Variants in PTBP2 observed in about 807,000 individuals in gnomAD.
PTBP2 encodes polypyrimidine tract-binding protein 2.
In PTBP2, 13 loss-of-function variants were observed where a neutral mutation model predicts 61.4. The ratio of observed to expected loss-of-function variants is 0.21; its 90% confidence interval spans 0.14 to 0.34. PTBP2 has a LOEUF of 0.34. Among genes scored for constraint, PTBP2 ranks in the 10% least tolerant of loss-of-function variants. The probability of loss-of-function intolerance (pLI) is 1.00; values close to 1 mark genes in which losing one functional copy is unlikely to be tolerated. For missense variants in PTBP2, 405 were observed against 642.6 expected, an observed-to-expected ratio of 0.63 and a Z score of 4.00; for synonymous variants, 215 against 218.5, an observed-to-expected ratio of 0.98 and a Z score of 0.14.
In PTBP2 at chr1:96,759,772, A is replaced by G. The variant is rs1345248071; in HGVS notation, c.115+8272A>G. Among the ~76,000 whole-genome samples, 3 of 152,338 alleles carry G rather than the reference A, an allele frequency of 2.0e-5. No individual in the cohort carries two copies. In the East Asian group the frequency reaches 5.8e-4, roughly 29 times the overall value. ...TTGGAGAATATAATATTTGTGTATC[A>G]ATACATGCATATGACTGTATTAGTC... On this transcript the variant is annotated intron_variant, in intron 3 of 13. Transcript: ENST00000674951.
intron 5 of PTBP2, among the ~76,000 whole-genome samples, chr1:96,771,724 TG>T (rs1296801852): frequency 6.6e-6 from 1 of 152,214 alleles, no homozygotes; most frequent in African/African-American, 2.4e-5. Flanking sequence ...TAGATTTTTT[TG>T]CATTTTTAAC....
At chr1:96,790,257 AAG>A (rs1659644486) in intron 8 of PTBP2, among the ~76,000 whole-genome samples, 2 of 151,676 alleles carry the variant, frequency 1.3e-5, no homozygotes, top group South Asian at 4.2e-4. Context: ...AAGGCTTGAT[AAG>A]ATTTAGAGCC....
chr1:96,762,181 TC>T (rs1318676938), intron 3 of PTBP2, among the ~76,000 whole-genome samples: 2 of 150,348 alleles, frequency 1.3e-5, no homozygotes, highest in South Asian at 4.2e-4. Context: ...TCCCCACCTT[TC>T]CCCCCTTTCT....
chr1:96,762,198 A>G (rs1655977718), intron 3 of PTBP2, among the ~76,000 whole-genome samples: 1 of 149,670 alleles, frequency 6.7e-6, no homozygotes, highest in Admixed American at 6.6e-5. Context: ...TTTCTATTCC[A>G]CAAAACCGCC....
At chr1:96,758,610 A>G (rs551286097) in intron 3 of PTBP2, among the ~76,000 whole-genome samples, 86 of 152,260 alleles carry the variant, frequency 5.6e-4, no homozygotes, top group African/African-American at 1.9e-3. Context: ...ATTTGTCACA[A>G]TGATAGAATG....
At chr1:96,759,035 T>A (rs928515196) in intron 3 of PTBP2, among the ~76,000 whole-genome samples, 4 of 152,110 alleles carry the variant, frequency 2.6e-5, no homozygotes, top group Non-Finnish European at 5.9e-5. Flanking sequence ...TTTTAAAAAA[T>A]CTGTTTATAA....
chr1:96,729,732 A>ATTTTTTTTTTTTTTTTT (rs748378072), intron 2 of PTBP2, among the ~76,000 whole-genome samples: 1 of 110,452 alleles, frequency 9.1e-6, no homozygotes, highest in Non-Finnish European at 1.8e-5. Flanking sequence ...TGATACTACT[A>ATTTTTTTTTTTTTTTTT]TTTTTTTTTT....
intron 8 of PTBP2, among the ~76,000 whole-genome samples, chr1:96,797,176 T>A (rs1172490879): frequency 6.6e-6 from 1 of 150,914 alleles, no homozygotes; most frequent in Non-Finnish European, 1.5e-5. Context: ...CCATCCTCAT[T>A]GATGGTGGTG....
chr1:96,728,815 ATT>A (rs368839720), intron 2 of PTBP2, among the ~76,000 whole-genome samples: 94 of 110,142 alleles, frequency 8.5e-4, no homozygotes, highest in Admixed American at 1.2e-3. Flanking sequence ...TTCTTTAAGC[ATT>A]TTTTTTTTTT....
At chr1:96,796,304 AAAG>A (rs978259193) in intron 8 of PTBP2, among the ~76,000 whole-genome samples, 18 of 151,994 alleles carry the variant, frequency 1.2e-4, no homozygotes, top group African/African-American at 3.4e-4. Flanking sequence ...AAAAAAAAAA[AAAG>A]AAGTAGGTGC....
At position 96,813,928 on chromosome 1, in the gene PTBP2, C is replaced by T. The variant is rs1662316666; in HGVS notation, c.*523C>T. The T allele has an allele frequency of 6.6e-6, 1 of 152,270 alleles. No individual in the cohort carries two copies. Among genetic ancestry groups the T allele is most frequent in the Admixed American group, 6.6e-5 (1 of 15,228 alleles). 9.4% of individuals were successfully genotyped at this position (152,270 alleles called of 1,614,324 possible). On this transcript the variant is annotated 3_prime_UTR_variant, in exon 14 of 14. Transcript: ENST00000674951. ...GATACATGATATTGAAAGAATAAAG[C>T]AGCATTTTTAGTTTTTACTACCTTA...
Position 96,814,373 on chromosome 1 carries a change from G to T in PTBP2, c.*968G>T, listed in dbSNP as rs1288463906. On this transcript the variant is annotated 3_prime_UTR_variant, in exon 14 of 14. Coordinates refer to ENST00000674951, the MANE Select transcript of PTBP2 (RefSeq NM_021190.4). ...CATGTATTTTTCAAAGATAAAGAAA[G>T]TGTACTGCGAAAATATGCAGGAAGA... 6.6e-6 allele frequency: 1 copy of T among 152,532 alleles called. No homozygotes were observed. Among genetic ancestry groups the T allele is most frequent in the Non-Finnish European group, 1.5e-5 (1 of 67,966 alleles). The allele number at this position is 152,532 out of a possible 1,614,324, so 9.4% of individuals were successfully genotyped here.
At chr1:96,818,318 C>T (rs1662556719), downstream of PTBP2, 1 of 151,928 alleles carries the variant, frequency 6.6e-6, no homozygotes, top group Admixed American at 6.6e-5. Flanking sequence ...TTTAACAAAC[C>T]CTTGTCAGCT....
chr1:96,813,154 A>T (rs1473177074), intron 13 of PTBP2, 48 bp downstream of exon 13: 1 of 1,558,552 alleles, frequency 6.4e-7, no homozygotes, highest in Non-Finnish European at 8.7e-7. Context: ...TAAAATTTTT[A>T]AGTAGTTTTT....
At position 96,814,937 on chromosome 1, in the gene PTBP2, C is replaced by T. The variant is rs1331777204; in HGVS notation, c.*1532C>T. 6.6e-6 allele frequency: 1 copy of T among 152,480 alleles called. No individual in the cohort carries two copies. Among genetic ancestry groups the T allele is most frequent in the East Asian group, 1.9e-4 (1 of 5,184 alleles). The allele number at this position is 152,480 out of a possible 1,614,324, so 9.4% of individuals were successfully genotyped here. On this transcript the variant is annotated 3_prime_UTR_variant, in exon 14 of 14. Transcript: ENST00000674951. ...TTTTCTCTCTCCTCTTCTTTGTTTT[C>T]ACTCCACTGTGCTTCTGAATTCATG...
At chr1:96,812,577 C>A in intron 11 of PTBP2, 135 bp from the exon 12 acceptor site, 1 of 727,932 alleles carries the variant, frequency 1.4e-6, no homozygotes, top group Non-Finnish European at 2.2e-6. Context: ...AGTCTTATCA[C>A]CAGTGGCTAT....
intron 2 of PTBP2, among the ~76,000 whole-genome samples, chr1:96,733,569 A>T (rs769192129): frequency 1.3e-5 from 2 of 152,068 alleles, no homozygotes; most frequent in South Asian, 2.1e-4. Flanking sequence ...AGTCCCAGCT[A>T]CTTGGGAGGC....
rs1278828626 is a variant in PTBP2, at chr1:96,721,856, G to A, written c.-9G>A. On this transcript the variant is annotated 5_prime_UTR_variant, in exon 1 of 14. Coordinates refer to ENST00000674951, the MANE Select transcript of PTBP2 (RefSeq NM_021190.4). ...GGTTCTTGTGAGCGAAGCTTTGTCC[G>A]GTTCGGCAATGGACGGGTATGTAAT... 4.5e-6 allele frequency: 7 copies of A among 1,570,824 alleles called. No individual in the cohort carries two copies. The highest frequency in any genetic ancestry group is 1.3e-5 in the African/African-American group (1 of 74,162).
intron 3 of PTBP2, among the ~76,000 whole-genome samples, chr1:96,763,969 C>T (rs1307479165): frequency 1.3e-5 from 2 of 152,104 alleles, no homozygotes; most frequent in South Asian, 2.1e-4. Flanking sequence ...CTCAAAAGGA[C>T]GTTGGTAGAC....
Sources: gnomAD v4.1 joint callset for allele counts (sites outside exome capture counted in the v4.1 genomes callset) on GRCh38, gnomAD v4.1.1 for gene constraint, MANE v1.5 for transcripts, NCBI Gene and HGNC (gene_info 2026-07-23, HGNC 2026-07-21) for gene names.